The following NOX5 variants were observed in gnomAD, a reference collection of about 807,000 sequenced individuals.
NOX5 encodes NADPH oxidase, EF-hand calcium binding domain 5.
NOX5 carries 76 observed loss-of-function variants against 85.7 expected under a neutral mutation model. The observed-to-expected ratio is 0.89, with a 90% confidence interval of 0.74 to 1.07. NOX5 has a LOEUF of 1.07. NOX5 is among the 50% of genes least tolerant of loss of function. The probability of loss-of-function intolerance (pLI) is 0.00; values close to 1 mark genes in which losing one functional copy is unlikely to be tolerated. For missense variants in NOX5, 973 were observed against 999.5 expected (o/e 0.97, Z 0.36); for synonymous variants, 405 against 401.4 (o/e 1.01, Z -0.11).
intron 3 of NOX5, 173 bp downstream of exon 3, chr15:69,028,538 T>C (rs2050389097): frequency 4.0e-6 from 2 of 498,118 alleles, no homozygotes; most frequent in East Asian, 6.7e-5. Context: ...TCTCTCCCAG[T>C]CCCCAGTCTC....
chr15:69,014,914 C>T (rs749477574), intron 1 of NOX5, 129 bp downstream of exon 1: 3 of 709,632 alleles, frequency 4.2e-6, no homozygotes, highest in Non-Finnish European at 7.3e-6. Context: ...GAGCTCTATT[C>T]TTGCCTTGCT....
At chr15:69,034,832 G>T (rs148244960) in intron 5 of NOX5, among the ~76,000 whole-genome samples, 1 of 152,108 alleles carries the variant, frequency 6.6e-6, no homozygotes, top group African/African-American at 2.4e-5. Flanking sequence ...AACCTCAAAC[G>T]CCTGGGCTCA....
At chr15:69,042,888 C>A in intron 10 of NOX5, 83 bp downstream of exon 10, 1 of 1,440,782 alleles carries the variant, frequency 6.9e-7, no homozygotes, top group Non-Finnish European at 9.5e-7. Flanking sequence ...CAGTGAGCAT[C>A]AATTATTGAG....
At chr15:69,022,934 T>C in intron 1 of NOX5, 1 of 502,900 alleles carries the variant, frequency 2.0e-6, no homozygotes, top group South Asian at 1.5e-5. Context: ...CGAACAATCA[T>C]CTTCTTCCCA....
Position 69,042,712 on chromosome 15 carries a change from G to T in NOX5, c.1554G>T (p.Leu518=). ...CCCAAGGCCAGTGGACAAACAGGCT[G>T]TATGAGTCCTTCAAGGCATCAGACC... ...IRSQGQWTNR[L]YESFKASDPL... is the part of the protein sequence containing the mutation. The change falls in exon 10 of 16, where the codon CTG becomes CTT. Residue 518 remains leucine (L), a synonymous_variant. Coordinates refer to ENST00000388866, the MANE Select transcript of NOX5 (RefSeq NM_024505.4). The T allele has an allele frequency of 6.2e-7, 1 of 1,614,140 alleles. No homozygotes were observed.
intron 10 of NOX5, among the ~76,000 whole-genome samples, chr15:69,045,568 C>CTTTCTTTCTTTT (rs1555437242): frequency 2.1e-5 from 1 of 48,374 alleles, no homozygotes; most frequent in African/African-American, 9.0e-5. Flanking sequence ...TTCTTTCTTT[C>CTTTCTTTCTTTT]TTCCCTTTCT....
At chr15:69,016,637 A>G (rs923115630) in intron 1 of NOX5, among the ~76,000 whole-genome samples, 1 of 152,086 alleles carries the variant, frequency 6.6e-6, no homozygotes, top group Non-Finnish European at 1.5e-5. Flanking sequence ...AGAGAAGAGA[A>G]AGGTGTACAT....
chr15:69,039,547 A>G (rs990319421), intron 9 of NOX5, among the ~76,000 whole-genome samples: 2 of 152,204 alleles, frequency 1.3e-5, no homozygotes, highest in Admixed American at 1.3e-4. Flanking sequence ...GGAGCAGCCA[A>G]TTGGGAGCCA....
At chr15:69,020,797 A>G (rs1462599433) in intron 1 of NOX5, among the ~76,000 whole-genome samples, 1 of 152,136 alleles carries the variant, frequency 6.6e-6, no homozygotes, top group Non-Finnish European at 1.5e-5. Flanking sequence ...CATTGCAAAT[A>G]TCATAGAACA....
chr15:69,037,055 C>G lies in NOX5; in HGVS notation c.1216C>G (p.Leu406Val), dbSNP rs1175553251. The change falls in exon 8 of 16, where the codon CTC becomes GTC. Residue 406 changes from leucine (L) to valine (V), a missense_variant. Physicochemically the swap from Leu to Val is conservative, Grantham distance 32 (BLOSUM62 1). Transcript: ENST00000388866. ...GTTCTATTGGACTCACCTGTCCTAC[C>G]TCCTCGTGTGGCTTCTGCTCATCTT... ...EVFYWTHLSYLLVWLLLIFHG... is the reference protein window; with the variant it reads ...EVFYWTHLSYVLVWLLLIFHG... 6.2e-7 allele frequency: 1 copy of G among 1,613,906 alleles called. No individual in the cohort carries two copies. The highest frequency in any genetic ancestry group is 1.1e-5 in the South Asian group (1 of 91,064).
intron 3 of NOX5, chr15:69,028,627 A>T (rs932456542): frequency 3.1e-6 from 1 of 318,092 alleles, no homozygotes; most frequent in Admixed American, 4.6e-5. Context: ...AATGCCTTCT[A>T]TTCAACTTAC....
rs1314055668 is a variant in NOX5, at chr15:69,060,199, G to A, written c.*3503G>A. On this transcript the variant is annotated 3_prime_UTR_variant, in exon 16 of 16. Coordinates refer to ENST00000388866, the MANE Select transcript of NOX5 (RefSeq NM_024505.4). ...CTCCTGGACGAGCGGCACAAGTGCA[G>A]GCTATTAATACACTGAGCTGGGGCA... 1 of 152,300 alleles carries A rather than the reference G, an allele frequency of 6.6e-6. No individual in the cohort carries two copies. The highest frequency in any genetic ancestry group is 1.5e-5 in the Non-Finnish European group (1 of 68,106). The allele number at this position is 152,300 out of a possible 1,614,324, so 9.4% of individuals were successfully genotyped here.
intron 9 of NOX5, among the ~76,000 whole-genome samples, chr15:69,039,520 T>A (rs2050567777): frequency 6.6e-6 from 1 of 152,076 alleles, no homozygotes; most frequent in African/African-American, 2.4e-5. Context: ...AGAAGCAAAG[T>A]TGGAATCCAG....
rs775873343 is a variant in NOX5, at chr15:69,038,936, T to C, written c.1451T>C (p.Ile484Thr). ...GDYLYLNIPT[I>T]ARYEWHPFTI... ...TACTTGTATCTGAACATCCCCACCA[T>C]TGCTCGCTATGAGTGGCACCCCTTC... Residue 484 changes from isoleucine (I) to threonine (T), a missense_variant, in exon 9 of 16, where the codon ATT (isoleucine) becomes ACT (threonine). Ile to Thr is a moderately conservative substitution (Grantham distance 89). Transcript: ENST00000388866. The C allele has an allele frequency of 6.2e-7, 1 of 1,613,988 alleles. No homozygotes were observed. Among genetic ancestry groups the C allele is most frequent in the African/African-American group, 1.3e-5 (1 of 74,876 alleles).
At chr15:69,032,774 T>G (rs1357151485) in intron 4 of NOX5, among the ~76,000 whole-genome samples, 1 of 152,194 alleles carries the variant, frequency 6.6e-6, no homozygotes, top group African/African-American at 2.4e-5. Context: ...TCTTCCATCC[T>G]TTTCGACTGC....
At position 69,047,422 on chromosome 15, in the gene NOX5, G is replaced by A. The variant is rs780489729; in HGVS notation, c.1702G>A (p.Asp568Asn). Residue 568 changes from aspartate to asparagine, a missense_variant, in exon 12 of 16, where the codon GAT (aspartate) becomes AAT (asparagine). Physicochemically the swap from Asp to Asn is conservative, Grantham distance 23. Transcript: ENST00000388866. ...HKFCNIKCYI[D>N]GPYGTPTRRI... ...GCCCTCTTGTGCACAGTGCTACATC[G>A]ATGGGCCTTATGGGACCCCCACCCG... 6.8e-6 allele frequency: 11 copies of A among 1,612,950 alleles called. No homozygotes were observed. The highest frequency in any genetic ancestry group is 9.3e-6 in the Non-Finnish European group (11 of 1,179,596).
chr15:69,042,628 G>T, intron 9 of NOX5, 35 bp from the exon 10 acceptor site: 1 of 1,598,904 alleles, frequency 6.3e-7, no homozygotes, highest in East Asian at 2.2e-5. Context: ...GGTCACTATG[G>T]ACCTCCTTTC....
chr15:69,039,389 T>G (rs1206656067), intron 9 of NOX5, among the ~76,000 whole-genome samples: 20 of 146,176 alleles, frequency 1.4e-4, no homozygotes, highest in East Asian at 4.0e-4. Flanking sequence ...TGGCGGGGGG[T>G]AGGCAGGTGG....
At chr15:69,015,944 G>T (rs1274450582) in intron 1 of NOX5, among the ~76,000 whole-genome samples, 4 of 151,776 alleles carry the variant, frequency 2.6e-5, no homozygotes, top group African/African-American at 9.7e-5. Flanking sequence ...AGTGTGTGGG[G>T]CTGGGCCCAG....
Sources: allele counts gnomAD v4.1 joint callset (sites outside exome capture counted in the v4.1 genomes callset), GRCh38; gene constraint gnomAD v4.1.1; transcripts MANE v1.5; gene names NCBI Gene and HGNC (gene_info 2026-07-23, HGNC 2026-07-21).